PTP4A2: variants seen among roughly 807,000 people sequenced by gnomAD.
PTP4A2 encodes protein tyrosine phosphatase 4A2, also known as protein tyrosine phosphatase type IVA 2.
PTP4A2 carries 2 observed loss-of-function variants against 22.9 expected under a neutral mutation model. That is an observed-to-expected ratio of 0.09 (90% confidence interval 0.04 to 0.27). The LOEUF (loss-of-function observed/expected upper bound fraction) is 0.27. Among genes scored for constraint, PTP4A2 ranks in the 10% least tolerant of loss-of-function variants. The probability of loss-of-function intolerance (pLI) is 1.00; values close to 1 mark genes in which losing one functional copy is unlikely to be tolerated. For missense variants in PTP4A2, 103 were observed against 205.1 expected, an observed-to-expected ratio of 0.50 and a Z score of 3.04; for synonymous variants, 68 against 69.1, an observed-to-expected ratio of 0.98 and a Z score of 0.08.
In PTP4A2 at chr1:31,908,805, T is replaced by C; in HGVS notation, c.*47A>G. 1 of 1,342,588 alleles carries C rather than the reference T, an allele frequency of 7.4e-7. No homozygotes were observed. The highest frequency in any genetic ancestry group is 1.1e-6 in the Non-Finnish European group (1 of 939,968). 83.2% of individuals were successfully genotyped at this position (1,342,588 alleles called of 1,614,324 possible). On this transcript the variant is annotated 3_prime_UTR_variant, in exon 6 of 6. Transcript: ENST00000647444. ...GATTCACATTTCCAGGTACCAAGAG[T>C]TCCCTCTAAATGGCACAATCAAGTC...
chr1:31,915,353 G>A (rs1049513310), intron 3 of PTP4A2, among the ~76,000 whole-genome samples: 1 of 151,874 alleles, frequency 6.6e-6, no homozygotes, highest in East Asian at 1.9e-4. Context: ...ATTACTGCCA[G>A]GGTTTTTTTG....
intron 5 of PTP4A2, 55 bp downstream of exon 5, chr1:31,909,983 T>C (rs1651450404): frequency 1.4e-6 from 2 of 1,450,258 alleles, no homozygotes; most frequent in Non-Finnish European, 9.6e-7. Flanking sequence ...CATAATTCCT[T>C]CCTCATGCAT....
chr1:31,916,935 CT>C (rs1651879321), intron 2 of PTP4A2, among the ~76,000 whole-genome samples: 1 of 151,864 alleles, frequency 6.6e-6, no homozygotes, highest in Non-Finnish European at 1.5e-5. Flanking sequence ...AATAAACATG[CT>C]TTTTTTAAAG....
chr1:31,936,889 TAA>T lies in PTP4A2; in HGVS notation c.-594+1096_-594+1097del, dbSNP rs746734795. ...AGTACCATATTCCAACTCAGCAGTG[TAA>T]TGTAGTTTGGCGACTCCGGACAGAC... is the stretch of plus-strand genomic sequence containing the variant. On this transcript the variant is annotated intron_variant, in intron 1 of 5. Coordinates refer to ENST00000647444, the MANE Select transcript of PTP4A2 (RefSeq NM_080391.4). 2.2e-3 allele frequency among the ~76,000 whole-genome samples: 334 copies of T among 152,324 alleles called. 1 individual carries two copies. In the South Asian group the frequency reaches 0.024, roughly 11 times the overall value.
At chr1:31,935,510 A>G (rs1557870168) in intron 1 of PTP4A2, 1 of 152,218 alleles carries the variant, frequency 6.6e-6, no homozygotes, top group Non-Finnish European at 1.5e-5. Context: ...TGGAAAAATC[A>G]AGGGCTTTAG....
rs1651306344 is a variant in PTP4A2 at position 31,908,147 on chromosome 1, TATATATATATATATATATATATATATA to T, written c.*678_*704del. 1 of 464 alleles carries T rather than the reference TATATATATATATATATATATATATATA, an allele frequency of 2.2e-3. No individual in the cohort carries two copies. Among genetic ancestry groups the T allele is most frequent in the African/African-American group, 5.7e-3 (1 of 176 alleles). The allele number at this position is 464 out of a possible 1,614,324, so 0.0% of individuals were successfully genotyped here. On this transcript the variant is annotated 3_prime_UTR_variant, in exon 6 of 6. Coordinates refer to ENST00000647444, the MANE Select transcript of PTP4A2 (RefSeq NM_080391.4). The stretch of plus-strand genomic sequence containing the variant: ...ATATATATATATATTATATTATATA[TATATATATATATATATATATATATATA>T]TATATATATATATATATATATATAT...
chr1:31,922,623 TTTC>T (rs757838815), intron 1 of PTP4A2, among the ~76,000 whole-genome samples: 1 of 117,304 alleles, frequency 8.5e-6, no homozygotes, highest in Non-Finnish European at 1.7e-5. Flanking sequence ...TCTTTCTTTC[TTTC>T]TTTCTTTCTT....
chr1:31,920,202 G>T (rs1431662674), intron 1 of PTP4A2, among the ~76,000 whole-genome samples: 2 of 149,902 alleles, frequency 1.3e-5, no homozygotes, highest in African/African-American at 2.5e-5. Flanking sequence ...CTAGCACTTT[G>T]GGAGGCTGAG....
intron 5 of PTP4A2, 140 bp downstream of exon 5, chr1:31,909,898 A>T (rs561844679): frequency 4.4e-6 from 3 of 688,692 alleles, no homozygotes; most frequent in African/African-American, 3.6e-5. Context: ...ACTTGCTCTA[A>T]ATTTTTTACA....
In PTP4A2 at chr1:31,908,136, T is replaced by A. The variant is rs867428578; in HGVS notation, c.*716A>T. ...AAAATATATATATATATATATATAT[T>A]ATATTATATATATATATATATATAT... is the stretch of plus-strand genomic sequence containing the variant. On this transcript the variant is annotated 3_prime_UTR_variant, in exon 6 of 6. Coordinates refer to ENST00000647444, the MANE Select transcript of PTP4A2 (RefSeq NM_080391.4). 2.2e-3 allele frequency: 6 copies of A among 2,750 alleles called. 1 individual carries two copies. Among genetic ancestry groups the A allele is most frequent in the Non-Finnish European group, 5.0e-3 (5 of 1,010 alleles). 0.2% of individuals were successfully genotyped at this position (2,750 alleles called of 1,614,324 possible).
chr1:31,930,123 G>A lies in PTP4A2; in HGVS notation c.-594+7864C>T, dbSNP rs1029987889. Among the ~76,000 whole-genome samples the A allele has an allele frequency of 2.6e-5, 4 of 152,136 alleles. No individual in the cohort carries two copies. The South Asian group carries it at 6.2e-4, about 24-fold the overall frequency. On this transcript the variant is annotated intron_variant, in intron 1 of 5. Transcript: ENST00000647444. ...GGAGGCCAAGGCGGGCGGATCACGAGGTCAGCAGATCGAGACCATCCTGGC... is the reference window on the plus strand; with the variant it reads ...GGAGGCCAAGGCGGGCGGATCACGAAGTCAGCAGATCGAGACCATCCTGGC...
chr1:31,913,386 G>A (rs998524299), intron 3 of PTP4A2, among the ~76,000 whole-genome samples: 4 of 152,104 alleles, frequency 2.6e-5, no homozygotes, highest in African/African-American at 9.7e-5. Flanking sequence ...TTATTTGTTT[G>A]TTTGTTTGTT....
At chr1:31,917,679 A>T (rs774563206) in intron 2 of PTP4A2, among the ~76,000 whole-genome samples, 1 of 152,224 alleles carries the variant, frequency 6.6e-6, no homozygotes, top group Non-Finnish European at 1.5e-5. Flanking sequence ...AGAATGATTA[A>T]AAAGCTTATG....
At chr1:31,924,899 A>AT (rs535076992) in intron 1 of PTP4A2, among the ~76,000 whole-genome samples, 38 of 152,188 alleles carry the variant, frequency 2.5e-4, no homozygotes, top group African/African-American at 7.7e-4. Context: ...GAGATAAGGG[A>AT]TAAAAAAAAA....
At chr1:31,926,149 A>AAAATATATAT (rs59088489) in intron 1 of PTP4A2, among the ~76,000 whole-genome samples, 1 of 131,338 alleles carries the variant, frequency 7.6e-6, no homozygotes, top group African/African-American at 2.8e-5. Flanking sequence ...AAAAAAAAAA[A>AAAATATATAT]ATATATATAT....
intron 3 of PTP4A2, 106 bp from the exon 4 acceptor site, chr1:31,911,932 C>T (rs577515129): frequency 2.9e-6 from 2 of 686,696 alleles, no homozygotes; most frequent in Non-Finnish European, 4.7e-6. Flanking sequence ...ACTGAACTAA[C>T]TGCACTATAT....
chr1:31,937,128 T>C (rs1652968988), intron 1 of PTP4A2, among the ~76,000 whole-genome samples: 2 of 152,168 alleles, frequency 1.3e-5, no homozygotes, highest in Admixed American at 6.5e-5. Context: ...GACAAACTTC[T>C]TTTCGTTAGC....
chr1:31,933,296 T>C (rs1652800446), intron 1 of PTP4A2: 1 of 152,158 alleles, frequency 6.6e-6, no homozygotes, highest in African/African-American at 2.4e-5. Context: ...ACTTTTCTAA[T>C]ATTTCACAGA....
intron 1 of PTP4A2, among the ~76,000 whole-genome samples, chr1:31,924,924 G>A (rs1012356167): frequency 5.9e-5 from 9 of 152,128 alleles, no homozygotes; most frequent in African/African-American, 2.2e-4. Context: ...AAACTATCCA[G>A]AGGTTAAAAA....
Sources: allele counts gnomAD v4.1 joint callset (sites outside exome capture counted in the v4.1 genomes callset), GRCh38; gene constraint gnomAD v4.1.1; transcripts MANE v1.5; gene names NCBI Gene and HGNC (gene_info 2026-07-23, HGNC 2026-07-21).